FAT3: variants seen among roughly 807,000 people sequenced by gnomAD.
FAT3 encodes protocadherin Fat 3.
Under a neutral mutation model 310.2 loss-of-function variants are expected in FAT3, and 95 were observed. That is an observed-to-expected ratio of 0.31 (90% CI 0.26 to 0.36). The LOEUF (loss-of-function observed/expected upper bound fraction) is 0.36. FAT3 is among the 10% of genes least tolerant of loss of function. The pLI is 1.00. For synonymous variants in FAT3, 2,314 were observed against 2,192.9 expected (o/e 1.06, Z -1.54); for missense variants, 5,408 against 5,715.6 (o/e 0.95, Z 1.74).
In FAT3 at chr11:92,407,396, G is replaced by A. The variant is rs1051671326; in HGVS notation, c.3292+51992G>A. ...TCACTTCATACATCTCTTAAACACC[G>A]ACAACACTGACTACAACATAGTAAG... On this transcript the variant is annotated intron_variant, in intron 2 of 27. Transcript: ENST00000525166. Among the ~76,000 whole-genome samples the A allele has an allele frequency of 6.6e-5, 10 of 152,050 alleles. No individual in the cohort carries two copies. The South Asian group carries it at 8.3e-4, about 13-fold the overall frequency.
intron 22 of FAT3, among the ~76,000 whole-genome samples, chr11:92,872,642 G>C (rs1209533842): frequency 2.0e-5 from 3 of 152,296 alleles, no homozygotes; most frequent in Non-Finnish European, 2.9e-5. Context: ...ATACTAGAAG[G>C]TGAGAATTTA....
chr11:92,355,247 C>G lies in FAT3; in HGVS notation c.3135C>G (p.Asp1045Glu). 1 of 1,613,802 alleles carries G rather than the reference C, an allele frequency of 6.2e-7. No homozygotes were observed. Among genetic ancestry groups the G allele is most frequent in the Non-Finnish European group, 8.5e-7 (1 of 1,179,866 alleles). Reference protein sequence around the residue: ...NENLHTPYFPDFAVVGSVKEN... With the variant: ...NENLHTPYFPEFAVVGSVKEN... ...ACCTCCACACTCCCTATTTCCCAGA[C>G]TTTGCTGTTGTTGGATCTGTAAAGG... Residue 1045 changes from aspartate to glutamate, a missense_variant, in exon 2 of 28, where the codon GAC becomes GAG. Transcript: ENST00000525166.
At chr11:92,480,451 G>T (rs145400281) in intron 2 of FAT3, among the ~76,000 whole-genome samples, 1 of 152,214 alleles carries the variant, frequency 6.6e-6, no homozygotes, top group Non-Finnish European at 1.5e-5. Context: ...TGGCATCAAG[G>T]TTCTCCCAGT....
intron 1 of FAT3, among the ~76,000 whole-genome samples, chr11:92,283,035 G>T (rs1946471369): frequency 6.6e-6 from 1 of 152,162 alleles, no homozygotes; most frequent in Middle Eastern, 3.4e-3. Context: ...TAAACAGATA[G>T]TAGAGATGAT....
intron 19 of FAT3, among the ~76,000 whole-genome samples, chr11:92,846,056 C>T (rs1172286588): frequency 3.3e-5 from 5 of 152,150 alleles, no homozygotes; most frequent in Admixed American, 3.3e-4. Context: ...GCATTTCTGG[C>T]AGATGTCACC....
intron 3 of FAT3, among the ~76,000 whole-genome samples, chr11:92,626,356 C>T (rs7940543): frequency 6.6e-6 from 1 of 152,016 alleles, no homozygotes; most frequent in Non-Finnish European, 1.5e-5. Context: ...CCACCTGGGA[C>T]TTTTTAGGTG....
At chr11:92,866,421 C>G (rs566850087) in intron 21 of FAT3, among the ~76,000 whole-genome samples, 1 of 152,202 alleles carries the variant, frequency 6.6e-6, no homozygotes, top group South Asian at 2.1e-4. Flanking sequence ...AAACAGACCC[C>G]TAAACCAGAT....
intron 2 of FAT3, among the ~76,000 whole-genome samples, chr11:92,411,873 A>T (rs533622947): frequency 6.6e-6 from 1 of 152,080 alleles, no homozygotes; most frequent in African/African-American, 2.4e-5. Flanking sequence ...TATTTCAAGG[A>T]GGATATTAAG....
At chr11:92,271,913 G>T (rs1946132608) in intron 1 of FAT3, among the ~76,000 whole-genome samples, 1 of 152,088 alleles carries the variant, frequency 6.6e-6, no homozygotes, top group Admixed American at 6.6e-5. Flanking sequence ...TAACCAGTAT[G>T]TGACAACTCT....
intron 2 of FAT3, among the ~76,000 whole-genome samples, chr11:92,398,254 A>G (rs901819144): frequency 5.3e-5 from 8 of 152,082 alleles, no homozygotes; most frequent in Middle Eastern, 3.4e-3. Flanking sequence ...TAATCCAAGC[A>G]CTTTGGGAGG....
chr11:92,311,356 C>T (rs1224137594), intron 1 of FAT3, among the ~76,000 whole-genome samples: 1 of 152,064 alleles, frequency 6.6e-6, no homozygotes, highest in African/African-American at 2.4e-5. Flanking sequence ...GACGGAGATC[C>T]CTTTAATGAT....
At chr11:92,433,940 C>T (rs939066367) in intron 2 of FAT3, among the ~76,000 whole-genome samples, 30 of 149,378 alleles carry the variant, frequency 2.0e-4, no homozygotes, top group Non-Finnish European at 1.6e-4. Context: ...GGCGTGAACC[C>T]GGGAGGTGGA....
chr11:92,461,857 A>AC (rs1951646544), intron 2 of FAT3, among the ~76,000 whole-genome samples: 1 of 152,172 alleles, frequency 6.6e-6, no homozygotes, highest in Non-Finnish European at 1.5e-5. Flanking sequence ...GACTTGCTGT[A>AC]CCCACAGCAG....
intron 1 of FAT3, among the ~76,000 whole-genome samples, chr11:92,307,309 C>T (rs1439203438): frequency 6.6e-6 from 1 of 152,066 alleles, no homozygotes; most frequent in African/African-American, 2.4e-5. Context: ...CATGTTGAAG[C>T]TGGAATAGAA....
chr11:92,717,529 T>G (rs1944726661), intron 4 of FAT3, among the ~76,000 whole-genome samples: 1 of 152,206 alleles, frequency 6.6e-6, no homozygotes, highest in African/African-American at 2.4e-5. Context: ...GTCATCCACC[T>G]GACAAGAGAC....
chr11:92,549,440 A>G (rs1954726173), intron 3 of FAT3, among the ~76,000 whole-genome samples: 1 of 152,238 alleles, frequency 6.6e-6, no homozygotes, highest in East Asian at 1.9e-4. Context: ...GTATTTCAGC[A>G]GTCATTGAAG....
intron 2 of FAT3, among the ~76,000 whole-genome samples, chr11:92,500,061 A>C (rs758681216): frequency 4.6e-5 from 7 of 152,146 alleles, no homozygotes; most frequent in Admixed American, 3.3e-4. Flanking sequence ...TTCCTCCTTG[A>C]GGTTTTACAT....
intron 1 of FAT3, among the ~76,000 whole-genome samples, chr11:92,294,668 C>CT (rs10714164): frequency 1.1e-4 from 17 of 149,368 alleles, no homozygotes; most frequent in South Asian, 4.2e-4. Context: ...CTGATTTTGC[C>CT]TTTTTTTTTT....
At chr11:92,684,319 A>G (rs1943569213) in intron 3 of FAT3, among the ~76,000 whole-genome samples, 1 of 152,152 alleles carries the variant, frequency 6.6e-6, no homozygotes, top group African/African-American at 2.4e-5. Context: ...CCATTGCTGA[A>G]CTGCATGGGT....
Sources: allele counts gnomAD v4.1 joint callset (sites outside exome capture counted in the v4.1 genomes callset), GRCh38; gene constraint gnomAD v4.1.1; transcripts MANE v1.5; gene names NCBI Gene and HGNC (gene_info 2026-07-23, HGNC 2026-07-21).